The following RIMS2 variants were observed in gnomAD, a reference collection of about 807,000 sequenced individuals.
RIMS2 encodes the protein regulating synaptic membrane exocytosis protein 2.
Under a neutral mutation model 174.4 loss-of-function variants are expected in RIMS2, and 59 were observed. The ratio of observed to expected loss-of-function variants is 0.34; its 90% CI spans 0.27 to 0.42. RIMS2 has a LOEUF of 0.42. RIMS2 is among the 10% of genes least tolerant of loss of function. The pLI, the probability that RIMS2 is intolerant of heterozygous loss-of-function variation, is 1.00. For synonymous variants in RIMS2, 606 were observed against 572.5 expected (o/e 1.06, Z -0.84); for missense variants, 1,620 against 1,666.3 (o/e 0.97, Z 0.48).
intron 19 of RIMS2, among the ~76,000 whole-genome samples, chr8:104,077,705 A>G (rs1043116207): frequency 7.1e-5 from 10 of 141,264 alleles, no homozygotes; most frequent in Admixed American, 4.8e-4. Flanking sequence ...GCTTTAGGGT[A>G]TGAGTAAGTG....
chr8:103,830,944 G>A (rs1226746004), intron 3 of RIMS2, among the ~76,000 whole-genome samples: 2 of 152,082 alleles, frequency 1.3e-5, no homozygotes, highest in Non-Finnish European at 2.9e-5. Flanking sequence ...GAGTAGCTGG[G>A]TCTCAGGTGC....
intron 11 of RIMS2, among the ~76,000 whole-genome samples, chr8:103,930,791 A>T (rs2079769146): frequency 6.6e-6 from 1 of 152,138 alleles, no homozygotes; most frequent in Admixed American, 6.6e-5. Context: ...ATAATATTTT[A>T]AATGTTTTTA....
intron 19 of RIMS2, among the ~76,000 whole-genome samples, chr8:104,037,098 A>G (rs1447419819): frequency 1.3e-5 from 2 of 152,286 alleles, no homozygotes; most frequent in African/African-American, 2.4e-5. Context: ...AAATTTTTCA[A>G]AAAGGTTTTG....
chr8:103,807,352 CTGTT>C (rs2098656976), intron 3 of RIMS2, among the ~76,000 whole-genome samples: 1 of 152,118 alleles, frequency 6.6e-6, no homozygotes, highest in Non-Finnish European at 1.5e-5. Flanking sequence ...AGAGAATTGT[CTGTT>C]TAGTTTGATA....
chr8:103,907,444 A>G (rs919735657), intron 4 of RIMS2, among the ~76,000 whole-genome samples: 8 of 152,180 alleles, frequency 5.3e-5, no homozygotes, highest in African/African-American at 1.9e-4. Context: ...AGTAAAAATC[A>G]TTCAGTATAG....
intron 4 of RIMS2, among the ~76,000 whole-genome samples, chr8:103,896,991 A>T (rs1317995909): frequency 6.6e-6 from 1 of 151,698 alleles, no homozygotes; most frequent in Non-Finnish European, 1.5e-5. Context: ...GGATACTGGG[A>T]GACATGGTTT....
At chr8:104,002,154 C>T (rs1487698109) in intron 17 of RIMS2, among the ~76,000 whole-genome samples, 4 of 152,068 alleles carry the variant, frequency 2.6e-5, no homozygotes, top group Admixed American at 1.3e-4. Context: ...AATTTGAATA[C>T]TATGCCCTTG....
In RIMS2 at chr8:104,111,421, T is replaced by C. The variant is rs548834940; in HGVS notation, c.3334+96806T>C. ...CATTTTCTTTTTGTGCGTTTGTTTG[T>C]TTTTGAGACAGAGTCTCACTCTGTC... On this transcript the variant is annotated intron_variant, in intron 19 of 23. Transcript: ENST00000504942. Among the ~76,000 whole-genome samples, 4 of 152,286 alleles carry C rather than the reference T, an allele frequency of 2.6e-5. No homozygotes were observed. In the South Asian group the frequency reaches 8.3e-4, roughly 32 times the overall value.
At chr8:104,106,037 CAAAAAAAAAAAA>C (rs575916023) in intron 19 of RIMS2, among the ~76,000 whole-genome samples, 20 of 56,912 alleles carry the variant, frequency 3.5e-4, no homozygotes, top group East Asian at 1.8e-3. Flanking sequence ...GACTCTGCCA[CAAAAAAAAAAAA>C]AAAAAAAAAA....
chr8:103,522,630 G>A (rs970404474), intron 1 of RIMS2, among the ~76,000 whole-genome samples: 1 of 152,054 alleles, frequency 6.6e-6, no homozygotes, highest in African/African-American at 2.4e-5. Context: ...CTTCCTTTGG[G>A]TATCTGATGG....
intron 15 of RIMS2, among the ~76,000 whole-genome samples, chr8:103,965,864 ATTTTGTCAAACTGTC>A (rs2091672596): frequency 6.6e-6 from 1 of 151,794 alleles, no homozygotes; most frequent in Non-Finnish European, 1.5e-5. Flanking sequence ...AGGATGTTAG[ATTTTGTCAAACTGTC>A]TTTTCTCCGT....
chr8:103,605,484 G>A (rs7837749), intron 1 of RIMS2, among the ~76,000 whole-genome samples: 54,118 of 149,266 alleles, frequency 0.36, 10,510 homozygotes, highest in East Asian at 0.77. Flanking sequence ...GTCTCTGCCC[G>A]GCTTTGGTAT....
chr8:103,537,273 T>C (rs180943050), intron 1 of RIMS2, among the ~76,000 whole-genome samples: 52 of 152,366 alleles, frequency 3.4e-4, no homozygotes, highest in Non-Finnish European at 6.3e-4. Context: ...AATTGAGGTT[T>C]CTACAAATGC....
intron 4 of RIMS2, among the ~76,000 whole-genome samples, chr8:103,887,947 T>C (rs182143555): frequency 3.8e-4 from 57 of 151,686 alleles, no homozygotes; most frequent in African/African-American, 1.4e-3. Context: ...GATAATCTCT[T>C]GGAGTTAATA....
chr8:103,724,938 C>T (rs184552066), intron 2 of RIMS2, among the ~76,000 whole-genome samples: 8 of 152,152 alleles, frequency 5.3e-5, no homozygotes, highest in African/African-American at 1.7e-4. Flanking sequence ...TACTGAGGGA[C>T]TGTTGTTGGG....
intron 1 of RIMS2, among the ~76,000 whole-genome samples, chr8:103,617,902 G>A (rs1342184117): frequency 6.6e-6 from 1 of 152,166 alleles, no homozygotes. Flanking sequence ...ATAAAGTGTT[G>A]GTGGGAGTGT....
intron 3 of RIMS2, among the ~76,000 whole-genome samples, chr8:103,848,524 T>C (rs976098913): frequency 1.3e-5 from 2 of 152,090 alleles, no homozygotes; most frequent in Middle Eastern, 3.4e-3. Context: ...GGTCTTATGA[T>C]TTGGTGGGTT....
chr8:103,715,024 C>A (rs1429493075), intron 2 of RIMS2, among the ~76,000 whole-genome samples: 1 of 151,790 alleles, frequency 6.6e-6, no homozygotes, highest in South Asian at 2.1e-4. Context: ...TAATTATGAC[C>A]TAAAATAATT....
chr8:104,107,202 C>T (rs990042254), intron 19 of RIMS2, among the ~76,000 whole-genome samples: 5 of 152,142 alleles, frequency 3.3e-5, no homozygotes, highest in African/African-American at 1.2e-4. Context: ...GACTCTTCTA[C>T]CTGAAATGTG....
Sources: gnomAD v4.1 joint callset for allele counts (sites outside exome capture counted in the v4.1 genomes callset) on GRCh38, gnomAD v4.1.1 for gene constraint, MANE v1.5 for transcripts, NCBI Gene and HGNC (gene_info 2026-07-23, HGNC 2026-07-21) for gene names.